The following ROBO1 variants were observed in gnomAD, a reference collection of about 807,000 sequenced individuals.
The protein encoded by ROBO1 is roundabout homolog 1.
A neutral mutation model predicts 195.9 loss-of-function variants in ROBO1; 149 were observed. The observed-to-expected ratio is 0.76, with a 90% CI of 0.67 to 0.87. The LOEUF is 0.87. Among genes scored for constraint, ROBO1 ranks in the 40% least tolerant of loss-of-function variants. The pLI is 0.00. For missense variants in ROBO1, 1,933 were observed against 2,068.3 expected (o/e 0.93, Z 1.27); for synonymous variants, 816 against 733.2 (o/e 1.11, Z -1.82).
intron 1 of ROBO1, among the ~76,000 whole-genome samples, chr3:79,655,119 CAA>C (rs1946121939): frequency 6.6e-6 from 1 of 152,044 alleles, no homozygotes; most frequent in African/African-American, 2.4e-5. Context: ...TCTTTAGTAA[CAA>C]AATAATTACT....
chr3:78,827,958 C>T (rs926697018), intron 4 of ROBO1, among the ~76,000 whole-genome samples: 3 of 152,054 alleles, frequency 2.0e-5, no homozygotes, highest in Non-Finnish European at 4.4e-5. Flanking sequence ...ATGGCATAGC[C>T]GAGTAGACAC....
At chr3:78,922,734 C>T (rs576301297) in intron 4 of ROBO1, among the ~76,000 whole-genome samples, 2 of 151,688 alleles carry the variant, frequency 1.3e-5, no homozygotes, top group African/African-American at 4.8e-5. Flanking sequence ...CTCAGCTTCC[C>T]GAGTAGCTGG....
chr3:79,383,597 A>G (rs367585425), intron 2 of ROBO1, among the ~76,000 whole-genome samples: 10 of 151,984 alleles, frequency 6.6e-5, no homozygotes, highest in Non-Finnish European at 1.3e-4. Context: ...ACGAAGCCAC[A>G]TTTTTTTGTT....
intron 8 of ROBO1, among the ~76,000 whole-genome samples, chr3:78,706,694 G>A (rs555663342): frequency 3.2e-4 from 49 of 152,120 alleles, no homozygotes; most frequent in African/African-American, 1.1e-3. Flanking sequence ...GAGACAAGGT[G>A]GAGGCAAGGA....
intron 1 of ROBO1, among the ~76,000 whole-genome samples, chr3:79,681,432 T>C (rs1393548423): frequency 8.6e-5 from 13 of 151,834 alleles, no homozygotes; most frequent in Admixed American, 8.5e-4. Flanking sequence ...TTAAGGATAA[T>C]GGGCAGTAAG....
At chr3:78,948,153 A>G (rs1196986440) in intron 3 of ROBO1, among the ~76,000 whole-genome samples, 1 of 152,146 alleles carries the variant, frequency 6.6e-6, no homozygotes, top group African/African-American at 2.4e-5. Context: ...AAAAGAGGGA[A>G]TCCTCCCTAA....
chr3:79,589,940 C>A lies in ROBO1; in HGVS notation c.-29G>T, dbSNP rs1333579210. 1 of 1,499,720 alleles carries A rather than the reference C, an allele frequency of 6.7e-7. No individual in the cohort carries two copies. The highest frequency in any genetic ancestry group is 1.7e-5 in the Admixed American group (1 of 59,236). The allele number at this position is 1,499,720 out of a possible 1,614,324, so 92.9% of individuals were successfully genotyped here. A position where few individuals can be genotyped will look rare whatever the true frequency, so the allele number is the denominator to read the frequency against. ...TGTCCCTTCCTTGCATTACAACCAG[C>A]CAGTGACAGACAATGTGTTATCTGG... On this transcript the variant is annotated 5_prime_UTR_variant, in exon 2 of 31. Coordinates refer to ENST00000464233, the MANE Select transcript of ROBO1 (RefSeq NM_002941.4).
At chr3:79,500,846 G>A (rs190519242) in intron 2 of ROBO1, among the ~76,000 whole-genome samples, 1 of 152,232 alleles carries the variant, frequency 6.6e-6, no homozygotes, top group Admixed American at 6.5e-5. Flanking sequence ...TTAGCAAGGG[G>A]GACCTAGCAA....
At chr3:79,675,286 T>C (rs370889498) in intron 1 of ROBO1, among the ~76,000 whole-genome samples, 3 of 152,132 alleles carry the variant, frequency 2.0e-5, no homozygotes, top group East Asian at 3.9e-4. Flanking sequence ...ATACTTATGA[T>C]TGCATTAGTT....
chr3:79,563,659 A>G (rs1942997830), intron 2 of ROBO1, among the ~76,000 whole-genome samples: 3 of 152,112 alleles, frequency 2.0e-5, no homozygotes, highest in African/African-American at 7.2e-5. Flanking sequence ...TCAGTGGTAG[A>G]AAATGTAATA....
chr3:79,235,251 T>C lies in ROBO1; in HGVS notation c.89-109712A>G, dbSNP rs553211448. Among the ~76,000 whole-genome samples the C allele has an allele frequency of 3.9e-5, 6 of 152,302 alleles. No homozygotes were observed. The South Asian group carries it at 1.2e-3, about 32-fold the overall frequency. On this transcript the variant is annotated intron_variant, in intron 2 of 30. Coordinates refer to ENST00000464233, the MANE Select transcript of ROBO1 (RefSeq NM_002941.4). Reference sequence around the variant, plus strand: ...AGTAGTCTAAACACATTATTGAATATTGAAATAACATCATCAAGAAAGTTT... The same window carrying C: ...AGTAGTCTAAACACATTATTGAATACTGAAATAACATCATCAAGAAAGTTT...
rs1459432729 is a variant in ROBO1, at chr3:78,906,515, A to G, written c.499+32086T>C. Among the ~76,000 whole-genome samples the G allele has an allele frequency of 2.0e-5, 3 of 152,170 alleles. No individual in the cohort carries two copies. The East Asian group carries it at 5.8e-4, about 29-fold the overall frequency. ...GTGAAAACTGAAGGGATCCTTAAAAATCAGGAGGTTTAGACTCATTTTTCT... is the reference window on the plus strand; with the variant it reads ...GTGAAAACTGAAGGGATCCTTAAAAGTCAGGAGGTTTAGACTCATTTTTCT... On this transcript the variant is annotated intron_variant, in intron 4 of 30. Coordinates refer to ENST00000464233, the MANE Select transcript of ROBO1 (RefSeq NM_002941.4).
intron 2 of ROBO1, among the ~76,000 whole-genome samples, chr3:79,290,928 T>G (rs777902765): frequency 6.6e-6 from 1 of 152,176 alleles, no homozygotes; most frequent in Non-Finnish European, 1.5e-5. Flanking sequence ...ATTCTATATT[T>G]TCTCCTTACA....
At chr3:78,975,508 T>C (rs1421835919) in intron 3 of ROBO1, among the ~76,000 whole-genome samples, 2 of 152,114 alleles carry the variant, frequency 1.3e-5, no homozygotes, top group African/African-American at 2.4e-5. Context: ...ATTTAGCTAG[T>C]TGTGTAAACC....
chr3:79,029,918 C>T (rs548508697), intron 3 of ROBO1, among the ~76,000 whole-genome samples: 31 of 152,278 alleles, frequency 2.0e-4, no homozygotes, highest in African/African-American at 7.2e-4. Flanking sequence ...ATCTTGTAAA[C>T]GCAACAGTGG....
intron 27 of ROBO1, among the ~76,000 whole-genome samples, chr3:78,616,730 T>A (rs1447178127): frequency 6.6e-6 from 1 of 152,148 alleles, no homozygotes; most frequent in South Asian, 2.1e-4. Context: ...CTATTTAGAT[T>A]TTCTTGGCTA....
chr3:78,850,880 C>G (rs1576288419), intron 4 of ROBO1, among the ~76,000 whole-genome samples: 5 of 151,768 alleles, frequency 3.3e-5, no homozygotes, highest in Non-Finnish European at 5.9e-5. Flanking sequence ...TATCTTGGCT[C>G]ACTGCAACCT....
chr3:79,538,388 A>G (rs746849935), intron 2 of ROBO1, among the ~76,000 whole-genome samples: 2 of 151,902 alleles, frequency 1.3e-5, no homozygotes, highest in East Asian at 3.8e-4. Context: ...ATTTTAAAAA[A>G]CAGTATCTTA....
intron 1 of ROBO1, among the ~76,000 whole-genome samples, chr3:79,740,403 CTG>C: frequency 6.6e-6 from 1 of 151,768 alleles, no homozygotes; most frequent in East Asian, 1.9e-4. Context: ...TACTGGAAAA[CTG>C]TATTGGTTCC....
Sources: allele counts gnomAD v4.1 joint callset (sites outside exome capture counted in the v4.1 genomes callset), GRCh38; gene constraint gnomAD v4.1.1; transcripts MANE v1.5; gene names NCBI Gene and HGNC (gene_info 2026-07-23, HGNC 2026-07-21).